Variants in OR2AJ1 observed in about 807,000 individuals in gnomAD.
OR2AJ1 encodes olfactory receptor family 2 subfamily AJ member 1.
For synonymous variants in OR2AJ1, 105 were observed against 60.3 expected (o/e 1.74, Z -3.44); for missense variants, 280 against 163.2 (o/e 1.72, Z -3.90).
At chr1:247,926,438 C>T (rs1175690086) in intron 1 of OR2AJ1, among the ~76,000 whole-genome samples, 1 of 151,992 alleles carries the variant, frequency 6.6e-6, no homozygotes, top group African/African-American at 2.4e-5. Context: ...TGTTATATAC[C>T]CCTTATTTTG....
Position 247,935,069 on chromosome 1 carries a change from A to G in OR2AJ1, c.*314A>G, listed in dbSNP as rs1660202440. 5.1e-6 allele frequency: 1 copy of G among 197,116 alleles called. No individual in the cohort carries two copies. The highest frequency in any genetic ancestry group is 5.8e-5 in the Admixed American group (1 of 17,276). The allele number at this position is 197,116 out of a possible 1,614,324, so 12.2% of individuals were successfully genotyped here. ...AAGACAAATCCATGTTTATTTTTAT[A>G]AAACTTTGTTAAATTATATTGCTAA... On this transcript the variant is annotated 3_prime_UTR_variant, in exon 2 of 2. Coordinates refer to ENST00000318244, the MANE Select transcript of OR2AJ1 (RefSeq NM_001355235.2).
chr1:247,934,191 C>T lies in OR2AJ1; in HGVS notation c.423C>T (p.Ser141=), dbSNP rs780882825. 1.4e-5 allele frequency: 10 copies of T among 718,378 alleles called. No homozygotes were observed. The highest frequency in any genetic ancestry group is 2.3e-4 in the Middle Eastern group (1 of 4,400). The allele number at this position is 718,378 out of a possible 1,614,324, so 44.5% of individuals were successfully genotyped here. ...RYPILMKEYA[S]ALMAGGSWLI... ...CGATTCTTATGAAGGAGTATGCCAG[C>T]GCTCTCATGGCTGGAGGCTCCTGGC... Residue 141 remains serine (S), a synonymous_variant, in exon 2 of 2, where the codon AGC becomes AGT. Coordinates refer to ENST00000318244, the MANE Select transcript of OR2AJ1 (RefSeq NM_001355235.2).
At chr1:247,931,457 T>A (rs1019201256) in intron 1 of OR2AJ1, among the ~76,000 whole-genome samples, 1 of 152,132 alleles carries the variant, frequency 6.6e-6, no homozygotes, top group African/African-American at 2.4e-5. Context: ...ATATTTCAGA[T>A]CCCTGACTGA....
intron 1 of OR2AJ1, among the ~76,000 whole-genome samples, chr1:247,927,009 G>A (rs555524903): frequency 2.0e-5 from 3 of 152,266 alleles, no homozygotes; most frequent in Admixed American, 1.3e-4. Flanking sequence ...TCAGTCCTTC[G>A]AGGCTTCTAA....
chr1:247,932,846 TATAA>T (rs1203387534), intron 1 of OR2AJ1, among the ~76,000 whole-genome samples: 1 of 152,144 alleles, frequency 6.6e-6, no homozygotes, highest in East Asian at 1.9e-4. Flanking sequence ...ACTATCAAAA[TATAA>T]ATAAATGATA....
At position 247,930,908 on chromosome 1, in the gene OR2AJ1, A is replaced by G. The variant is rs1156922779; in HGVS notation, c.-22-2839A>G. The stretch of plus-strand genomic sequence containing the variant: ...GGTGTCACTCTATATTTCTTTCTCT[A>G]TAATCATGACCTGCGTTTCTTCAAA... On this transcript the variant is annotated intron_variant, in intron 1 of 1. Transcript: ENST00000318244. Among the ~76,000 whole-genome samples the G allele has an allele frequency of 3.9e-5, 6 of 152,218 alleles. No individual in the cohort carries two copies. The East Asian group carries it at 7.7e-4, about 20-fold the overall frequency.
At chr1:247,929,184 G>A (rs1312557851) in intron 1 of OR2AJ1, among the ~76,000 whole-genome samples, 1 of 152,152 alleles carries the variant, frequency 6.6e-6, no homozygotes, top group Non-Finnish European at 1.5e-5. Context: ...GTCTTCATTT[G>A]CTCTTTCACA....
At chr1:247,928,271 T>C (rs1328383278) in intron 1 of OR2AJ1, among the ~76,000 whole-genome samples, 1 of 152,230 alleles carries the variant, frequency 6.6e-6, no homozygotes, top group Non-Finnish European at 1.5e-5. Context: ...TTAGTGATGT[T>C]GAACATTTTT....
In OR2AJ1 at chr1:247,929,398, C is replaced by T. The variant is rs185890638; in HGVS notation, c.-23+4230C>T. On this transcript the variant is annotated intron_variant, in intron 1 of 1. Transcript: ENST00000318244. ...GAATCTCTCTTCTTTCATTCCTTTC[C>T]TTCCTGCCCCTCTTTTCCTCTCCCT... Among the ~76,000 whole-genome samples the T allele has an allele frequency of 1.8e-3, 271 of 152,148 alleles. 3 individuals are homozygous for T. In the South Asian group the frequency reaches 0.025, roughly 14 times the overall value.
chr1:247,931,281 T>C (rs921690303), intron 1 of OR2AJ1, among the ~76,000 whole-genome samples: 3 of 152,214 alleles, frequency 2.0e-5, no homozygotes, highest in Admixed American at 6.5e-5. Flanking sequence ...GAGTTTCCTG[T>C]GTGGGGAACA....
rs1660187105 is a variant in OR2AJ1 at position 247,934,128 on chromosome 1, T to C, written c.360T>C (p.Cys120=). 2.8e-6 allele frequency: 2 copies of C among 718,944 alleles called. No individual in the cohort carries two copies. Among genetic ancestry groups the C allele is most frequent in the Non-Finnish European group, 5.2e-6 (2 of 385,754 alleles). 44.5% of individuals were successfully genotyped at this position (718,944 alleles called of 1,614,324 possible). ...GECLLLAAMS[C]DRYVAICHPL... Reference sequence around the variant, plus strand: ...GCCTTCTCCTGGCTGCAATGTCCTGTGATCGCTATGTGGCTATCTGTCACC... The same window carrying C: ...GCCTTCTCCTGGCTGCAATGTCCTGCGATCGCTATGTGGCTATCTGTCACC... Residue 120 remains cysteine, a synonymous_variant, in exon 2 of 2, where the codon TGT becomes TGC. Transcript: ENST00000318244.
chr1:247,930,682 G>T lies in OR2AJ1; in HGVS notation c.-22-3065G>T, dbSNP rs138007278. On this transcript the variant is annotated intron_variant, in intron 1 of 1. Transcript: ENST00000318244. ...AATAGTTGGCTAAATAATTTAAGGA[G>T]CCTAAATGATTGTTCCTAAATGAAG... is the stretch of plus-strand genomic sequence containing the variant. Among the ~76,000 whole-genome samples the T allele has an allele frequency of 3.0e-3, 451 of 152,240 alleles. 4 individuals carry two copies. The highest frequency in any genetic ancestry group is 0.011 in the African/African-American group (437 of 41,536).
intron 1 of OR2AJ1, 128 bp from the exon 2 acceptor site, chr1:247,933,619 A>G (rs1660176770): frequency 2.1e-6 from 1 of 467,128 alleles, no homozygotes; most frequent in Non-Finnish European, 3.8e-6. Context: ...AAACTGGCTA[A>G]GAGTATTTTG....
intron 1 of OR2AJ1, among the ~76,000 whole-genome samples, chr1:247,933,362 A>C (rs1266062470): frequency 6.6e-6 from 1 of 152,216 alleles, no homozygotes; most frequent in Non-Finnish European, 1.5e-5. Flanking sequence ...ACATGTGAAA[A>C]TGGAGCAGAG....
chr1:247,929,686 G>A (rs1660131931), intron 1 of OR2AJ1, among the ~76,000 whole-genome samples: 1 of 150,750 alleles, frequency 6.6e-6, no homozygotes, highest in South Asian at 2.1e-4. Flanking sequence ...ACTTTATCAG[G>A]CAGGTACTGT....
chr1:247,931,272 A>G (rs1660150206), intron 1 of OR2AJ1, among the ~76,000 whole-genome samples: 1 of 152,210 alleles, frequency 6.6e-6, no homozygotes, highest in Admixed American at 6.5e-5. Context: ...CTCGTCAAAG[A>G]GTTTCCTGTG....
Position 247,934,357 on chromosome 1 carries a change from C to T in OR2AJ1, c.589C>T (p.Arg197Ter), listed in dbSNP as rs752546082. ...CTGTGCAGACACAACACGCTATGAA[C>T]GAGGGGTTTGTGTAAGTGCTGTGAT... is the stretch of plus-strand genomic sequence containing the variant. ...LSCADTTRYE[R>*]GVCVSAVIFL... Residue 197 changes from arginine to a stop codon, truncating the protein, a stop_gained, in exon 2 of 2, where the codon CGA (arginine) becomes TGA (stop). Coordinates refer to ENST00000318244, the MANE Select transcript of OR2AJ1 (RefSeq NM_001355235.2). LOFTEE classifies it low-confidence loss of function (END_TRUNC). The T allele has an allele frequency of 3.9e-5, 28 of 726,016 alleles. 1 individual carries two copies. The Admixed American group carries it at 4.3e-4, about 11-fold the overall frequency. The allele number at this position is 726,016 out of a possible 1,614,324, so 45.0% of individuals were successfully genotyped here. A position where few individuals can be genotyped will look rare whatever the true frequency, so the allele number is the denominator to read the frequency against.
At chr1:247,930,614 A>T (rs1254844969) in intron 1 of OR2AJ1, among the ~76,000 whole-genome samples, 1 of 152,230 alleles carries the variant, frequency 6.6e-6, no homozygotes, top group African/African-American at 2.4e-5. Context: ...AAGTAGTTCC[A>T]TTGACAAAAT....
rs558116391 is a variant in OR2AJ1 at position 247,934,204 on chromosome 1, G to A, written c.436G>A (p.Gly146Arg). ...MKEYASALMA[G>R]GSWLIGVFNS... is the part of the protein sequence containing the mutation. ...GGAGTATGCCAGCGCTCTCATGGCT[G>A]GAGGCTCCTGGCTCATTGGGGTTTT... The change falls in exon 2 of 2, where the codon GGA (glycine) becomes AGA (arginine). Residue 146 changes from glycine to arginine, a missense_variant. By Grantham distance (125) the Gly-to-Arg change is moderately radical. Coordinates refer to ENST00000318244, the MANE Select transcript of OR2AJ1 (RefSeq NM_001355235.2). 8.4e-6 allele frequency: 6 copies of A among 718,448 alleles called. No individual in the cohort carries two copies. Among genetic ancestry groups the A allele is most frequent in the South Asian group, 5.9e-5 (4 of 67,666 alleles). 44.5% of individuals were successfully genotyped at this position (718,448 alleles called of 1,614,324 possible).
Sources: gnomAD v4.1 joint callset for allele counts (sites outside exome capture counted in the v4.1 genomes callset) on GRCh38, gnomAD v4.1.1 for gene constraint, MANE v1.5 for transcripts, NCBI Gene and HGNC (gene_info 2026-07-23, HGNC 2026-07-21) for gene names.